Variants in PLA2R1 observed in about 807,000 individuals in gnomAD.
PLA2R1 encodes secretory phospholipase A2 receptor.
Under a neutral mutation model 195.9 loss-of-function variants are expected in PLA2R1, and 158 were observed. The ratio of observed to expected loss-of-function variants is 0.81; its 90% CI spans 0.71 to 0.92. The LOEUF (loss-of-function observed/expected upper bound fraction) is 0.92, where lower values mean the gene tolerates loss of function less well. Among genes scored for constraint, PLA2R1 ranks in the 40% least tolerant of loss-of-function variants. The probability of loss-of-function intolerance (pLI) is 0.00; values close to 1 mark genes in which losing one functional copy is unlikely to be tolerated. For missense variants in PLA2R1, 1,626 were observed against 1,764.6 expected, an observed-to-expected ratio of 0.92 and a Z score of 1.41; for synonymous variants, 586 against 598.2, an observed-to-expected ratio of 0.98 and a Z score of 0.30.
intron 2 of PLA2R1, among the ~76,000 whole-genome samples, chr2:160,042,874 AGAG>A (rs1694627804): frequency 6.6e-6 from 1 of 150,688 alleles, no homozygotes; most frequent in Non-Finnish European, 1.5e-5. Context: ...AGAGAGAGAG[AGAG>A]AAAGTGAGAG....
intron 11 of PLA2R1, among the ~76,000 whole-genome samples, chr2:159,993,570 T>C (rs895276027): frequency 6.6e-6 from 1 of 151,616 alleles, no homozygotes; most frequent in Admixed American, 6.6e-5. Context: ...TGAAATAATA[T>C]CATTTCCCAT....
At chr2:160,002,102 C>T (rs777496698) in intron 11 of PLA2R1, among the ~76,000 whole-genome samples, 40 of 151,462 alleles carry the variant, frequency 2.6e-4, no homozygotes, top group Non-Finnish European at 4.3e-4. Flanking sequence ...CCAAACAAAC[C>T]GTATTTCTTG....
intron 3 of PLA2R1, among the ~76,000 whole-genome samples, chr2:160,036,305 T>C (rs1054183166): frequency 6.6e-6 from 1 of 152,244 alleles, no homozygotes; most frequent in Admixed American, 6.5e-5. Flanking sequence ...GCTATGCATG[T>C]CAGAAACATG....
Position 160,047,831 on chromosome 2 carries a change from G to C in PLA2R1, c.110-2674C>G, listed in dbSNP as rs555500618. Among the ~76,000 whole-genome samples the C allele has an allele frequency of 2.7e-3, 418 of 152,248 alleles. 2 individuals are homozygous for C. The highest frequency in any genetic ancestry group is 4.8e-3 in the Non-Finnish European group (328 of 68,012). On this transcript the variant is annotated intron_variant, in intron 1 of 29. Transcript: ENST00000283243. ...ATTTGGGGTGAATAAATATTCTGTG[G>C]GGCGGTGAGTTTGAAACAAGGTCTT... is the stretch of plus-strand genomic sequence containing the variant.
In PLA2R1 at chr2:160,033,063, T is replaced by C. The variant is rs764357040; in HGVS notation, c.737A>G (p.Asn246Ser). The change falls in exon 4 of 30, where the codon AAC becomes AGC. Residue 246 changes from asparagine to serine, a missense_variant. Transcript: ENST00000283243. Reference protein sequence around the residue: ...DLNSHICYQFNLLSSLSWSEA... With the variant: ...DLNSHICYQFSLLSSLSWSEA... ...ACTCCAAGAGAGAGATGAAAGCAGG[T>C]TGAACTGGTAGCAAATGTGTGAATT... The C allele has an allele frequency of 3.7e-6, 6 of 1,613,536 alleles. No individual in the cohort carries two copies. The highest frequency in any genetic ancestry group is 3.3e-5 in the Admixed American group (2 of 59,944).
chr2:160,039,148 G>C (rs1472169038), intron 3 of PLA2R1, among the ~76,000 whole-genome samples: 1 of 152,134 alleles, frequency 6.6e-6, no homozygotes, highest in Non-Finnish European at 1.5e-5. Flanking sequence ...TTACAGGTGT[G>C]AGCCACTGTG....
downstream of PLA2R1, among the ~76,000 whole-genome samples, chr2:159,928,867 T>C (rs902990588): frequency 7.2e-5 from 11 of 152,318 alleles, no homozygotes; most frequent in African/African-American, 2.4e-4. Flanking sequence ...AGCCAACTGA[T>C]CTTCAACAAA....
At chr2:159,972,619 T>C (rs1218843044) in intron 17 of PLA2R1, among the ~76,000 whole-genome samples, 1 of 152,196 alleles carries the variant, frequency 6.6e-6, no homozygotes, top group Non-Finnish European at 1.5e-5. Flanking sequence ...ATAGATTTGA[T>C]ATGTATTTTG....
At chr2:160,020,076 A>C in intron 8 of PLA2R1, 30 bp downstream of exon 8, 1 of 1,581,092 alleles carries the variant, frequency 6.3e-7, no homozygotes, top group Non-Finnish European at 8.7e-7. Flanking sequence ...AGACCAGCAA[A>C]GTGAGCACTG....
Position 160,044,922 on chromosome 2 carries a change from C to T in PLA2R1, c.345G>A (p.Trp115Ter). The T allele has an allele frequency of 6.2e-7, 1 of 1,614,180 alleles. No individual in the cohort carries two copies. The highest frequency in any genetic ancestry group is 8.5e-7 in the Non-Finnish European group (1 of 1,180,018). ...ECDSTLVSLR[W>*]RCNRKMITGP... is the part of the protein sequence containing the mutation. ...CTGTGATCATCTTCCTGTTACAGCG[C>T]CACCGTAAGGAAACGAGGGTGGAGT... Residue 115 changes from tryptophan (W) to a stop codon, truncating the protein, a stop_gained, in exon 2 of 30, where the codon TGG becomes TGA. Transcript: ENST00000283243. LOFTEE classifies it high-confidence loss of function.
chr2:159,975,971 T>C (rs574999622), intron 17 of PLA2R1, 97 bp downstream of exon 17: 11 of 874,476 alleles, frequency 1.3e-5, no homozygotes, highest in Non-Finnish European at 1.9e-5. Flanking sequence ...TAAATAAATA[T>C]CCGAAGTCAA....
At chr2:159,949,556 C>T (rs776445325) in intron 25 of PLA2R1, 52 bp downstream of exon 25, 136 of 1,340,772 alleles carry the variant, frequency 1.0e-4, no homozygotes, top group Admixed American at 2.1e-4. Context: ...CAGTGTCTTG[C>T]ATACAGTAGT....
At chr2:159,942,775 G>A (rs1687157464) in intron 28 of PLA2R1, among the ~76,000 whole-genome samples, 1 of 152,136 alleles carries the variant, frequency 6.6e-6, no homozygotes, top group South Asian at 2.1e-4. Flanking sequence ...ATATCAAAAT[G>A]TGAACTCTTC....
At chr2:160,004,412 T>C (rs950044330) in intron 11 of PLA2R1, among the ~76,000 whole-genome samples, 2 of 152,190 alleles carry the variant, frequency 1.3e-5, no homozygotes, top group African/African-American at 2.4e-5. Flanking sequence ...GACTGGACTT[T>C]TGTAATTATG....
At chr2:159,948,221 A>C (rs1270709297) in intron 25 of PLA2R1, among the ~76,000 whole-genome samples, 1 of 152,002 alleles carries the variant, frequency 6.6e-6, no homozygotes, top group Non-Finnish European at 1.5e-5. Flanking sequence ...AACCTTTAAA[A>C]ATATTTTTTT....
rs1269050747 is a variant in PLA2R1, at chr2:159,951,397, G to C, written c.3483C>G (p.Leu1161=). Residue 1161 remains leucine, a synonymous_variant, in exon 24 of 30, where the codon CTC becomes CTG. Transcript: ENST00000283243. The stretch of plus-strand genomic sequence containing the variant: ...ATCCTAGCCGGTTGAGGACAACAGT[G>C]AGGAAGGACTGGTGATACTGGTCTG... The part of the protein sequence containing the change: ...SITDQYHQSF[L]TVVLNRLGYA... The C allele has an allele frequency of 6.2e-7, 1 of 1,613,846 alleles. No individual in the cohort carries two copies. Among genetic ancestry groups the C allele is most frequent in the Non-Finnish European group, 8.5e-7 (1 of 1,179,870 alleles).
At chr2:160,038,501 T>C (rs1028297034) in intron 3 of PLA2R1, among the ~76,000 whole-genome samples, 2 of 152,038 alleles carry the variant, frequency 1.3e-5, no homozygotes, top group Non-Finnish European at 2.9e-5. Flanking sequence ...AGAGCCCAGG[T>C]GGGGAGACTT....
At chr2:160,015,585 G>C (rs999598271) in intron 9 of PLA2R1, among the ~76,000 whole-genome samples, 2 of 152,132 alleles carry the variant, frequency 1.3e-5, no homozygotes, top group African/African-American at 4.8e-5. Context: ...GAGTTTCCCA[G>C]AAAGCCACAG....
chr2:159,968,752 T>C (rs1034124063), intron 19 of PLA2R1, among the ~76,000 whole-genome samples: 1 of 152,222 alleles, frequency 6.6e-6, no homozygotes, highest in African/African-American at 2.4e-5. Flanking sequence ...AATGTGCTTC[T>C]AAATCCAACT....
Sources: gnomAD v4.1 joint callset for allele counts (sites outside exome capture counted in the v4.1 genomes callset) on GRCh38, gnomAD v4.1.1 for gene constraint, MANE v1.5 for transcripts, NCBI Gene and HGNC (gene_info 2026-07-23, HGNC 2026-07-21) for gene names.